TMC6: variants seen among roughly 807,000 people sequenced by gnomAD.
The protein encoded by TMC6 is transmembrane channel like 6.
Under a neutral mutation model 95.4 loss-of-function variants are expected in TMC6, and 71 were observed. The observed-to-expected ratio is 0.74, with a 90% CI of 0.61 to 0.91. The LOEUF (loss-of-function observed/expected upper bound fraction) is 0.91, where lower values mean the gene tolerates loss of function less well. TMC6 is among the 40% of genes least tolerant of loss of function. TMC6 has a pLI of 0.00. For synonymous variants in TMC6, 514 were observed against 483.1 expected (o/e 1.06, Z -0.84); for missense variants, 1,074 against 1,079.1 (o/e 1.00, Z 0.07).
At chr17:78,120,931 T>TAA in intron 12 of TMC6, 82 bp downstream of exon 12, 1 of 1,612,204 alleles carries the variant, frequency 6.2e-7, no homozygotes, top group Non-Finnish European at 8.5e-7. Flanking sequence ...GGCCTCATCC[T>TAA]AAGTAGGTTT....
At position 78,109,327 on chromosome 17, in the gene TMC6, C is replaced by T. The variant is rs772868124; in HGVS notation, c.*3821G>A. 5.1e-6 allele frequency: 2 copies of T among 390,388 alleles called. No homozygotes were observed. Among genetic ancestry groups the T allele is most frequent in the East Asian group, 1.5e-4 (2 of 13,654 alleles). The allele number at this position is 390,388 out of a possible 1,614,324, so 24.2% of individuals were successfully genotyped here. On this transcript the variant is annotated 3_prime_UTR_variant, in exon 20 of 20. Transcript: ENST00000590602. ...TGGGGCATCCCGAGAAGATCCTCTG[C>T]AGGAGTGCGGTGTCTACGGATGGAC...
chr17:78,119,510 G>A, intron 13 of TMC6, 118 bp from the exon 14 acceptor site: 1 of 1,039,040 alleles, frequency 9.6e-7, no homozygotes, highest in Non-Finnish European at 1.5e-6. Flanking sequence ...CCGTTCCACA[G>A]ATAATGCCAA....
At position 78,122,912 on chromosome 17, in the gene TMC6, C is replaced by G; in HGVS notation, c.1083-163G>C. The G allele has an allele frequency of 1.1e-6, 1 of 902,212 alleles. No homozygotes were observed. The highest frequency in any genetic ancestry group is 1.7e-6 in the Non-Finnish European group (1 of 578,918). 55.9% of individuals were successfully genotyped at this position (902,212 alleles called of 1,614,324 possible). A position where few individuals can be genotyped will look rare whatever the true frequency, so the allele number is the denominator to read the frequency against. On this transcript the variant is annotated intron_variant, in intron 9 of 19. Transcript: ENST00000590602. The surrounding 1 kb of genome is among the most constrained non-coding windows in gnomAD (Gnocchi z 4.9). ...GCCACACCCCTGCCCCACCACCAGC[C>G]CTCTACACCAGTCTCATCCAACATA...
Position 78,121,057 on chromosome 17 carries a change from C to T in TMC6, c.1491G>A (p.Glu497=). The T allele has an allele frequency of 6.2e-7, 1 of 1,613,308 alleles. No individual in the cohort carries two copies. The highest frequency in any genetic ancestry group is 8.5e-7 in the Non-Finnish European group (1 of 1,180,010). ...PYLCRVLAAL[E]PHDSPVLEVY... ...CCTCCAGTACCGGGGAGTCATGCGG[C>T]TCCAGGGCGGCCAGGACACGGCACA... The change falls in exon 12 of 20, where the codon GAG becomes GAA. Residue 497 remains glutamate (E), a synonymous_variant. Coordinates refer to ENST00000590602, the MANE Select transcript of TMC6 (RefSeq NM_001127198.5). The surrounding 1 kb of genome is among the most constrained non-coding windows in gnomAD (Gnocchi z 5.6).
At position 78,109,772 on chromosome 17, in the gene TMC6, A is replaced by G. The variant is rs574101914; in HGVS notation, c.*3376T>C. ...TTAGAATTACCTGAAAATTTTTAAGATAATTCACATCCGGCCAGGCATGGT... is the reference window on the plus strand; with the variant it reads ...TTAGAATTACCTGAAAATTTTTAAGGTAATTCACATCCGGCCAGGCATGGT... On this transcript the variant is annotated 3_prime_UTR_variant, in exon 20 of 20. Coordinates refer to ENST00000590602, the MANE Select transcript of TMC6 (RefSeq NM_001127198.5). 8.6e-6 allele frequency: 3 copies of G among 348,316 alleles called. No individual in the cohort carries two copies. The highest frequency in any genetic ancestry group is 6.4e-5 in the South Asian group (3 of 46,672). 21.6% of individuals were successfully genotyped at this position (348,316 alleles called of 1,614,324 possible).
rs757153549 is a variant in TMC6 at position 78,124,096 on chromosome 17, G to A, written c.975C>T (p.Gly325=). The A allele has an allele frequency of 1.2e-6, 2 of 1,613,350 alleles. No homozygotes were observed. Among genetic ancestry groups the A allele is most frequent in the Admixed American group, 1.7e-5 (1 of 60,012 alleles). ...CACCCACCCTGGGTGTGCACTGGCT[G>A]CCATCCAGGGGGCTGCCACACGGCT... The part of the protein sequence containing the change: ...LNQPCGSPLD[G]SQCTPRVGGL... Residue 325 remains glycine, a synonymous_variant, in exon 9 of 20, where the codon GGC becomes GGT. Transcript: ENST00000590602.
intron 9 of TMC6, among the ~76,000 whole-genome samples, chr17:78,123,422 G>T (rs2074513465): frequency 6.6e-6 from 1 of 151,982 alleles, no homozygotes; most frequent in Non-Finnish European, 1.5e-5. Flanking sequence ...TGGGTGGATA[G>T]ATAAGGAGGT....
intron 18 of TMC6, 129 bp downstream of exon 18, chr17:78,117,140 A>T: frequency 2.1e-6 from 2 of 942,368 alleles, no homozygotes; most frequent in Non-Finnish European, 3.3e-6. Context: ...GATCAGGGTC[A>T]CTTGTTTGGC....
At chr17:78,113,458 G>C in intron 19 of TMC6, 90 bp downstream of exon 19, 3 of 1,467,622 alleles carry the variant, frequency 2.0e-6, no homozygotes, top group South Asian at 2.3e-5. Flanking sequence ...GCAATGTCGT[G>C]GTGTAGCCCC....
At position 78,113,005 on chromosome 17, in the gene TMC6, C is replaced by T; in HGVS notation, c.*143G>A. The T allele has an allele frequency of 2.2e-6, 2 of 912,752 alleles. No individual in the cohort carries two copies. Among genetic ancestry groups the T allele is most frequent in the Non-Finnish European group, 3.4e-6 (2 of 586,814 alleles). 56.5% of individuals were successfully genotyped at this position (912,752 alleles called of 1,614,324 possible). A position where few individuals can be genotyped will look rare whatever the true frequency, so the allele number is the denominator to read the frequency against. On this transcript the variant is annotated 3_prime_UTR_variant, in exon 20 of 20. Coordinates refer to ENST00000590602, the MANE Select transcript of TMC6 (RefSeq NM_001127198.5). ...GGATGCCCAAGCCGGATTCACCCACCCTTCCAGCTCCAGCCTAGGCGCAGC... is the reference window on the plus strand; with the variant it reads ...GGATGCCCAAGCCGGATTCACCCACTCTTCCAGCTCCAGCCTAGGCGCAGC...
chr17:78,125,287 T>C (rs2074649562), intron 5 of TMC6, 24 bp from the exon 6 acceptor site: 1 of 1,549,378 alleles, frequency 6.5e-7, no homozygotes. Context: ...AGGGAGGTCC[T>C]GCCCATCCCC....
chr17:78,131,841 GC>G, upstream of TMC6: 1 of 1,480,820 alleles, frequency 6.8e-7, no homozygotes, highest in South Asian at 1.3e-5. Context: ...GGTGGGCAGG[GC>G]GGGTGACTCA....
Position 78,117,271 on chromosome 17 carries a change from T to C in TMC6, c.2275A>G (p.Asn759Asp), listed in dbSNP as rs768627239. ...VICLLKEQIS[N>D]EGEDKIFLIN... ...AGCAGCCCAGGAGGGGCACTCACAT[T>C]GCTGATCTGCTCCTTGAGCAGGCAG... is the stretch of plus-strand genomic sequence containing the variant. The change falls in exon 18 of 20, where the codon AAT (asparagine) becomes GAT (aspartate). Residue 759 changes from asparagine to aspartate, a missense_variant and splice_region_variant. Physicochemically the swap from Asn to Asp is conservative, Grantham distance 23 (BLOSUM62 1). Coordinates refer to ENST00000590602, the MANE Select transcript of TMC6 (RefSeq NM_001127198.5). The C allele has an allele frequency of 7.1e-5, 114 of 1,613,316 alleles. No homozygotes were observed. Among genetic ancestry groups the C allele is most frequent in the Non-Finnish European group, 9.3e-5 (110 of 1,179,970 alleles).
At position 78,111,648 on chromosome 17, in the gene TMC6, G is replaced by A. The variant is rs1033052889; in HGVS notation, c.*1500C>T. 8 of 152,920 alleles carry A rather than the reference G, an allele frequency of 5.2e-5. No individual in the cohort carries two copies. The highest frequency in any genetic ancestry group is 1.9e-4 in the African/African-American group (8 of 41,484). 9.5% of individuals were successfully genotyped at this position (152,920 alleles called of 1,614,324 possible). On this transcript the variant is annotated 3_prime_UTR_variant, in exon 20 of 20. Coordinates refer to ENST00000590602, the MANE Select transcript of TMC6 (RefSeq NM_001127198.5). ...CAGATGCCAACTCTGTCGGGCCCCT[G>A]TGGCAGCACCCAGATGTCTGCAGAG...
Position 78,122,545 on chromosome 17 carries a change from A to G in TMC6, c.1227+60T>C, listed in dbSNP as rs1009559554. ...GTTCTGGTCACATGGTCCTAAGTGGACCCAGGGCCAGGCCTGCAGGGAGCT... is the reference window on the plus strand; with the variant it reads ...GTTCTGGTCACATGGTCCTAAGTGGGCCCAGGGCCAGGCCTGCAGGGAGCT... On this transcript the variant is annotated intron_variant, in intron 10 of 19. Transcript: ENST00000590602. This position sits in a 1 kb window ranked among gnomAD's most constrained non-coding sequence, Gnocchi z 4.9. 1.9e-6 allele frequency: 3 copies of G among 1,597,788 alleles called. No homozygotes were observed. Among genetic ancestry groups the G allele is most frequent in the Non-Finnish European group, 2.5e-6 (3 of 1,178,812 alleles).
chr17:78,125,655 G>A, intron 5 of TMC6, 71 bp downstream of exon 5: 2 of 1,539,384 alleles, frequency 1.3e-6, no homozygotes, highest in Non-Finnish European at 1.7e-6. Context: ...CACCGCCCAG[G>A]CCAGGCTGGC....
chr17:78,131,786 G>T, upstream of TMC6: 1 of 1,546,352 alleles, frequency 6.5e-7, no homozygotes, highest in South Asian at 1.2e-5. Context: ...GTGCTGCGAG[G>T]CTGCCCCGTC....
At chr17:78,130,016 G>T (rs573029103), upstream of TMC6, among the ~76,000 whole-genome samples, 2 of 152,172 alleles carry the variant, frequency 1.3e-5, no homozygotes, top group African/African-American at 2.4e-5. Context: ...GAAAAGCTAT[G>T]AACATTCAGA....
rs950074414 is a variant in TMC6 at position 78,112,194 on chromosome 17, C to T, written c.*954G>A. 49 of 236,478 alleles carry T rather than the reference C, an allele frequency of 2.1e-4. No homozygotes were observed. Among genetic ancestry groups the T allele is most frequent in the African/African-American group, 9.7e-4 (39 of 40,240 alleles). 14.6% of individuals were successfully genotyped at this position (236,478 alleles called of 1,614,324 possible). On this transcript the variant is annotated 3_prime_UTR_variant, in exon 20 of 20. Coordinates refer to ENST00000590602, the MANE Select transcript of TMC6 (RefSeq NM_001127198.5). Reference sequence around the variant, plus strand: ...CAGACCTGGAGCACTGGGGTCATGACGGGCTGGTCCCCGCAGGCCTGGAGA... The same window carrying T: ...CAGACCTGGAGCACTGGGGTCATGATGGGCTGGTCCCCGCAGGCCTGGAGA...
Sources: gnomAD v4.1 joint callset for allele counts (sites outside exome capture counted in the v4.1 genomes callset) on GRCh38, gnomAD v4.1.1 for gene constraint, Gnocchi (gnomAD v3.1) non-coding constraint, MANE v1.5 for transcripts, NCBI Gene and HGNC (gene_info 2026-07-23, HGNC 2026-07-21) for gene names.